The following ZNF561 variants were observed in gnomAD, a reference collection of about 807,000 sequenced individuals.
ZNF561 encodes the protein zinc finger protein 561.
In ZNF561, 16 loss-of-function variants were observed where a neutral mutation model predicts 16.7. That is an observed-to-expected ratio of 0.96 (90% CI 0.65 to 1.45). The LOEUF (loss-of-function observed/expected upper bound fraction) is 1.45, where lower values mean the gene tolerates loss of function less well. Ranked by LOEUF, ZNF561 falls within the 40% of genes most tolerant of loss-of-function variation. ZNF561 has a pLI of 0.00. For missense variants in ZNF561, 580 were observed against 578.0 expected (o/e 1.00, Z -0.04); for synonymous variants, 190 against 192.1 (o/e 0.99, Z 0.09).
At chr19:9,619,877 C>A (rs200087371) in intron 1 of ZNF561, among the ~76,000 whole-genome samples, 5,835 of 148,778 alleles carry the variant, frequency 0.039, 394 homozygotes, top group African/African-American at 0.14. Context: ...CTATCTATAT[C>A]TATCTATCTA....
chr19:9,616,282 T>C (rs1291844724), intron 4 of ZNF561, among the ~76,000 whole-genome samples: 1 of 152,164 alleles, frequency 6.6e-6, no homozygotes, highest in Non-Finnish European at 1.5e-5. Context: ...TTATTTTTAT[T>C]TTTAATGTAT....
Position 9,608,096 on chromosome 19 carries a change from C to T in ZNF561, c.*2104G>A, listed in dbSNP as rs2074382277. On this transcript the variant is annotated 3_prime_UTR_variant, in exon 6 of 6. Transcript: ENST00000302851. ...CCGTGTTAACTAGGACAGTCTCGAT[C>T]TCCTGACCTCGTGATCCGCCCACCT... 2 of 152,262 alleles carry T rather than the reference C, an allele frequency of 1.3e-5. No homozygotes were observed. The highest frequency in any genetic ancestry group is 4.8e-5 in the African/African-American group (2 of 41,430). 9.4% of individuals were successfully genotyped at this position (152,262 alleles called of 1,614,324 possible).
At position 9,616,106 on chromosome 19, in the gene ZNF561, T is replaced by G. The variant is rs1421753924; in HGVS notation, c.241+939A>C. Among the ~76,000 whole-genome samples, 3 of 152,220 alleles carry G rather than the reference T, an allele frequency of 2.0e-5. No homozygotes were observed. In the South Asian group the frequency reaches 6.2e-4, roughly 32 times the overall value. ...TATATTTCTTACAGCACAAAGCTGA[T>G]GCTGTTGATGAAGTTTCCAGGATTA... On this transcript the variant is annotated intron_variant, in intron 4 of 5. Coordinates refer to ENST00000302851, the MANE Select transcript of ZNF561 (RefSeq NM_152289.3).
intron 4 of ZNF561, among the ~76,000 whole-genome samples, chr19:9,615,629 G>C (rs1402035688): frequency 1.3e-5 from 2 of 151,862 alleles, no homozygotes; most frequent in East Asian, 3.9e-4. Flanking sequence ...TAAGTAGGCT[G>C]GGTGCAGTGG....
In ZNF561 at chr19:9,621,174, A is replaced by C. The variant is rs10401707; in HGVS notation, c.-139T>G. 33 of 153,948 alleles carry C rather than the reference A, an allele frequency of 2.1e-4. No homozygotes were observed. The highest frequency in any genetic ancestry group is 7.1e-4 in the South Asian group (4 of 5,652). The allele number at this position is 153,948 out of a possible 1,614,324, so 9.5% of individuals were successfully genotyped here. On this transcript the variant is annotated 5_prime_UTR_variant, in exon 1 of 6. Transcript: ENST00000302851. ...AGGTGGAACTCACCACAGCCTGGGC[A>C]GACTCCACCACCATAAAGGCGAAAC...
Position 9,611,209 on chromosome 19 carries a change from TAAC to T in ZNF561, c.449_451del (p.Cys150del), listed in dbSNP as rs765594272. ...GTGCACACTGAGGGTGTCTTTTCCA[TAAC>T]AATTACCCTCAGAAGTATTCCCTCC... On this transcript the variant is annotated inframe_deletion, in exon 6 of 6. Coordinates refer to ENST00000302851, the MANE Select transcript of ZNF561 (RefSeq NM_152289.3). 6 of 1,613,944 alleles carry T rather than the reference TAAC, an allele frequency of 3.7e-6. No homozygotes were observed. The highest frequency in any genetic ancestry group is 5.1e-6 in the Non-Finnish European group (6 of 1,179,876).
Position 9,609,023 on chromosome 19 carries a change from AG to A in ZNF561, c.*1176del, listed in dbSNP as rs1401221355. 1 of 152,202 alleles carries A rather than the reference AG, an allele frequency of 6.6e-6. No individual in the cohort carries two copies. The highest frequency in any genetic ancestry group is 2.1e-4 in the South Asian group (1 of 4,830). 9.4% of individuals were successfully genotyped at this position (152,202 alleles called of 1,614,324 possible). A position where few individuals can be genotyped will look rare whatever the true frequency, so the allele number is the denominator to read the frequency against. ...TTGCTGGTTTACCCGAATGAGGGCA[AG>A]GAACACCTGGCCCACCCACGGTGGA... On this transcript the variant is annotated 3_prime_UTR_variant, in exon 6 of 6. Coordinates refer to ENST00000302851, the MANE Select transcript of ZNF561 (RefSeq NM_152289.3).
rs1259300935 is a variant in ZNF561 at position 9,608,295 on chromosome 19, AGAAAG to A, written c.*1900_*1904del. On this transcript the variant is annotated 3_prime_UTR_variant, in exon 6 of 6. Coordinates refer to ENST00000302851, the MANE Select transcript of ZNF561 (RefSeq NM_152289.3). Reference sequence around the variant, plus strand: ...AGAGAAAGAGGAGAGAGGAGAGAGGAGAAAGGAGAGAGGAGAGAGAGACCTATTTG... The same window carrying A: ...AGAGAAAGAGGAGAGAGGAGAGAGGAGAGAGAGGAGAGAGAGACCTATTTG... 1 of 151,756 alleles carries A rather than the reference AGAAAG, an allele frequency of 6.6e-6. No homozygotes were observed. 9.4% of individuals were successfully genotyped at this position (151,756 alleles called of 1,614,324 possible).
chr19:9,611,418 A>G (rs2074455645), intron 5 of ZNF561, 82 bp from the exon 6 acceptor site: 2 of 1,357,384 alleles, frequency 1.5e-6, no homozygotes, highest in South Asian at 1.8e-5. Context: ...AAGCATTTTG[A>G]TGACAATTAT....
At chr19:9,613,416 T>C (rs943137864) in intron 5 of ZNF561, among the ~76,000 whole-genome samples, 3 of 151,946 alleles carry the variant, frequency 2.0e-5, no homozygotes, top group African/African-American at 7.3e-5. Context: ...GTATTTTTAG[T>C]AGAGATAAGA....
intron 1 of ZNF561, among the ~76,000 whole-genome samples, chr19:9,619,921 C>CCTATCTATCTATCTATCAATCTAT (rs2074636616): frequency 8.6e-6 from 1 of 116,142 alleles, no homozygotes; most frequent in East Asian, 3.1e-4. Flanking sequence ...CTATATCTAT[C>CCTATCTATCTATCTATCAATCTAT]CTATCTATCT....
chr19:9,608,535 C>G lies in ZNF561; in HGVS notation c.*1665G>C, dbSNP rs1040959829. ...TGGTATTTTGTGATAGTGGCCTGAG[C>G]TCATTAAGGCAGATTAAAAACAAAC... is the stretch of plus-strand genomic sequence containing the variant. On this transcript the variant is annotated 3_prime_UTR_variant, in exon 6 of 6. Transcript: ENST00000302851. The G allele has an allele frequency of 6.6e-6, 1 of 152,052 alleles. No individual in the cohort carries two copies. The highest frequency in any genetic ancestry group is 1.5e-5 in the Non-Finnish European group (1 of 68,028). The allele number at this position is 152,052 out of a possible 1,614,324, so 9.4% of individuals were successfully genotyped here. A position where few individuals can be genotyped will look rare whatever the true frequency, so the allele number is the denominator to read the frequency against.
At chr19:9,618,231 C>T in intron 2 of ZNF561, 52 bp from the exon 3 acceptor site, 2 of 1,469,310 alleles carry the variant, frequency 1.4e-6, no homozygotes, top group African/African-American at 1.4e-5. Context: ...ATCCTTCCCA[C>T]ATTCTCATGC....
intron 5 of ZNF561, among the ~76,000 whole-genome samples, chr19:9,611,612 A>C (rs746736491): frequency 6.6e-6 from 1 of 151,862 alleles, no homozygotes; most frequent in African/African-American, 2.4e-5. Flanking sequence ...GCACCTGGCT[A>C]ATTTTTCTGT....
rs2074407369 is a variant in ZNF561 at position 9,609,492 on chromosome 19, C to T, written c.*708G>A. ...TAATGCAAAAATTAGAAAACTTGTA[C>T]TGAAGAGAATCCTCAAAGTGTGGCT... On this transcript the variant is annotated 3_prime_UTR_variant, in exon 6 of 6. Transcript: ENST00000302851. 1 of 152,166 alleles carries T rather than the reference C, an allele frequency of 6.6e-6. No homozygotes were observed. The highest frequency in any genetic ancestry group is 6.5e-5 in the Admixed American group (1 of 15,272). The allele number at this position is 152,166 out of a possible 1,614,324, so 9.4% of individuals were successfully genotyped here.
In ZNF561 at chr19:9,616,859, G is replaced by C. The variant is rs2074563398; in HGVS notation, c.241+186C>G. On this transcript the variant is annotated intron_variant, in intron 4 of 5. Transcript: ENST00000302851. ...TCCGTCCACCTCAGCCTCCCAAAGT[G>C]CTGGGATTACAGGCATGAGCCACTG... 6 of 646,662 alleles carry C rather than the reference G, an allele frequency of 9.3e-6. No homozygotes were observed. The African/African-American group carries it at 1.1e-4, about 12-fold the overall frequency. The allele number at this position is 646,662 out of a possible 1,614,324, so 40.1% of individuals were successfully genotyped here.
chr19:9,610,616 A>T lies in ZNF561; in HGVS notation c.1045T>A (p.Tyr349Asn), dbSNP rs1295333055. Residue 349 changes from tyrosine to asparagine, a missense_variant, in exon 6 of 6, where the codon TAC becomes AAC. Physicochemically the swap from Tyr to Asn is moderately radical, Grantham distance 143 (BLOSUM62 -2). Transcript: ENST00000302851. ...CKECGQAFAQ[Y>N]SGLSIHIRSH... Reference sequence around the variant, plus strand: ...CGTATGTGTATAGAAAGGCCCGAGTACTGAGCAAAGGCTTGGCCACATTCC... The same window carrying T: ...CGTATGTGTATAGAAAGGCCCGAGTTCTGAGCAAAGGCTTGGCCACATTCC... The T allele has an allele frequency of 1.2e-6, 2 of 1,613,974 alleles. No individual in the cohort carries two copies. Among genetic ancestry groups the T allele is most frequent in the Non-Finnish European group, 1.7e-6 (2 of 1,179,900 alleles).
At chr19:9,619,346 TG>T in intron 2 of ZNF561, 85 bp downstream of exon 2, 7 of 1,379,728 alleles carry the variant, frequency 5.1e-6, no homozygotes, top group Middle Eastern at 1.8e-4. Context: ...GCTGCATGCC[TG>T]CTCAGGCTCA....
Position 9,618,153 on chromosome 19 carries a change from G to GTTTCT in ZNF561, c.51_52insAGAAA (p.Pro18ArgfsTer10). 6.4e-7 allele frequency: 1 copy of GTTTCT among 1,551,128 alleles called. No individual in the cohort carries two copies. Among genetic ancestry groups the GTTTCT allele is most frequent in the South Asian group, 1.2e-5 (1 of 84,048 alleles). On this transcript the variant is annotated frameshift_variant, in exon 3 of 6. Transcript: ENST00000302851. LOFTEE classifies it high-confidence loss of function. ...TCTACCTTTGTCTTTTCTTCAAAAG[G>GTTTCT]GCAGATTGGTTCCCTGGAAAAAAAC...
Sources: allele counts gnomAD v4.1 joint callset (sites outside exome capture counted in the v4.1 genomes callset), GRCh38; gene constraint gnomAD v4.1.1; transcripts MANE v1.5; gene names NCBI Gene and HGNC (gene_info 2026-07-23, HGNC 2026-07-21).